The following HMGCLL1 variants were observed in gnomAD, a reference collection of about 807,000 sequenced individuals.
HMGCLL1 encodes the protein 3-hydroxy-3-methylglutaryl-CoA lyase like 1.
In HMGCLL1, 36 loss-of-function variants were observed where a neutral mutation model predicts 39.1. The ratio of observed to expected loss-of-function variants is 0.92; its 90% CI spans 0.71 to 1.22. The LOEUF is 1.22. Among genes scored for constraint, HMGCLL1 ranks in the 50% most tolerant of loss-of-function variants. HMGCLL1 has a pLI of 0.00. For missense variants in HMGCLL1, 451 were observed against 416.5 expected (o/e 1.08, Z -0.72); for synonymous variants, 149 against 144.0 (o/e 1.03, Z -0.25).
the HMGCLL1 span, among the ~76,000 whole-genome samples, chr6:55,636,497 AG>A: frequency 6.6e-6 from 1 of 152,200 alleles, no homozygotes; most frequent in Admixed American, 6.6e-5. Flanking sequence ...CCAGTGTTAC[AG>A]CTGGACTCAC....
chr6:55,473,253 G>A (rs1289021013), intron 7 of HMGCLL1, among the ~76,000 whole-genome samples: 1 of 151,258 alleles, frequency 6.6e-6, no homozygotes, highest in Non-Finnish European at 1.5e-5. Context: ...ATTGTAGTTG[G>A]ATTATAGGTG....
chr6:55,455,946 A>G (rs938705205), intron 7 of HMGCLL1, among the ~76,000 whole-genome samples: 4 of 152,190 alleles, frequency 2.6e-5, no homozygotes, highest in African/African-American at 9.7e-5. Flanking sequence ...AAACATACCC[A>G]AATAAAATTA....
At chr6:55,534,558 G>T (rs1051411134) in intron 3 of HMGCLL1, among the ~76,000 whole-genome samples, 8 of 152,164 alleles carry the variant, frequency 5.3e-5, no homozygotes, top group African/African-American at 1.9e-4. Flanking sequence ...ACTAGCCCCT[G>T]CAGGAGACCA....
chr6:55,668,625 T>C, the HMGCLL1 span, among the ~76,000 whole-genome samples: 2 of 151,788 alleles, frequency 1.3e-5, no homozygotes, highest in Admixed American at 6.6e-5. Context: ...GTGGTGAGTT[T>C]ACATTTTTTT....
the HMGCLL1 span, among the ~76,000 whole-genome samples, chr6:55,615,670 A>G: frequency 1.3e-5 from 2 of 152,294 alleles, no homozygotes; most frequent in Admixed American, 1.3e-4. Flanking sequence ...TCTGAATAAT[A>G]GTATCTGGTA....
At chr6:55,449,402 G>A (rs566566686) in intron 7 of HMGCLL1, among the ~76,000 whole-genome samples, 1 of 152,340 alleles carries the variant, frequency 6.6e-6, no homozygotes, top group East Asian at 1.9e-4. Context: ...CCACAAGGTG[G>A]AAGCAGCCTG....
the HMGCLL1 span, among the ~76,000 whole-genome samples, chr6:55,608,758 A>C: frequency 6.6e-6 from 1 of 152,264 alleles, no homozygotes; most frequent in Non-Finnish European, 1.5e-5. Flanking sequence ...GCATTTAAGC[A>C]CATTGAAAAG....
Position 55,476,309 on chromosome 6 carries a change from C to A in HMGCLL1, c.795+19110G>T, listed in dbSNP as rs1217523112. ...GTCTGTTGTTAAATCTATGCCTTAC[C>A]ATATTTTAATAATATTGCAATTGGA... is the stretch of plus-strand genomic sequence containing the variant. On this transcript the variant is annotated intron_variant, in intron 7 of 8. Coordinates refer to ENST00000274901, the MANE Select transcript of HMGCLL1 (RefSeq NM_001042406.2). 2.6e-5 allele frequency among the ~76,000 whole-genome samples: 4 copies of A among 151,470 alleles called. No individual in the cohort carries two copies. The South Asian group carries it at 6.2e-4, about 24-fold the overall frequency.
intron 7 of HMGCLL1, among the ~76,000 whole-genome samples, chr6:55,493,796 G>A (rs1225399673): frequency 2.0e-5 from 3 of 151,218 alleles, no homozygotes; most frequent in Admixed American, 6.6e-5. Context: ...GCAGTGGTAC[G>A]ATCTCGGCTC....
chr6:55,570,194 C>A (rs1420295892), intron 1 of HMGCLL1, among the ~76,000 whole-genome samples: 1 of 152,212 alleles, frequency 6.6e-6, no homozygotes, highest in African/African-American at 2.4e-5. Flanking sequence ...ACGTAGTTAT[C>A]TGACTTTCCT....
intron 7 of HMGCLL1, among the ~76,000 whole-genome samples, chr6:55,457,549 T>C (rs1196602593): frequency 1.3e-5 from 2 of 152,188 alleles, no homozygotes; most frequent in Admixed American, 1.3e-4. Context: ...AGAAATTCAT[T>C]GGTTCCCTTA....
In HMGCLL1 at chr6:55,435,195, A is replaced by G. The variant is rs1763322138; in HGVS notation, c.*467T>C. ...AGATTTGGCTTTTGGTCCATAACAT[A>G]ACTGACTTGGCAAATGAGTAGTTGA... is the stretch of plus-strand genomic sequence containing the variant. On this transcript the variant is annotated 3_prime_UTR_variant, in exon 9 of 9. Transcript: ENST00000274901. The G allele has an allele frequency of 6.5e-6, 1 of 152,682 alleles. No homozygotes were observed. Among genetic ancestry groups the G allele is most frequent in the African/African-American group, 2.4e-5 (1 of 41,460 alleles). The allele number at this position is 152,682 out of a possible 1,614,324, so 9.5% of individuals were successfully genotyped here.
At chr6:55,507,268 A>C (rs929825534) in intron 5 of HMGCLL1, among the ~76,000 whole-genome samples, 1 of 151,712 alleles carries the variant, frequency 6.6e-6, no homozygotes, top group African/African-American at 2.4e-5. Context: ...GGATAAAAAG[A>C]GTATACATAG....
At chr6:55,458,903 A>G (rs1372884446) in intron 7 of HMGCLL1, among the ~76,000 whole-genome samples, 1 of 152,200 alleles carries the variant, frequency 6.6e-6, no homozygotes, top group Admixed American at 6.5e-5. Context: ...ATACGAAGCC[A>G]TTAACAAATT....
At chr6:55,496,271 TA>T (rs1454278344) in intron 6 of HMGCLL1, among the ~76,000 whole-genome samples, 1 of 152,174 alleles carries the variant, frequency 6.6e-6, no homozygotes, top group Non-Finnish European at 1.5e-5. Context: ...AATACTAATC[TA>T]TTTTTCTCAT....
the HMGCLL1 span, among the ~76,000 whole-genome samples, chr6:55,640,832 T>C: frequency 4.6e-5 from 7 of 152,016 alleles, no homozygotes; most frequent in Admixed American, 4.6e-4. Flanking sequence ...TTTATCTTTC[T>C]GTTGTTTGAA....
the HMGCLL1 span, among the ~76,000 whole-genome samples, chr6:55,654,684 T>C: frequency 2.0e-5 from 3 of 151,922 alleles, no homozygotes; most frequent in Non-Finnish European, 4.4e-5. Flanking sequence ...TCCAAATGGG[T>C]ACCTGGAAAA....
At chr6:55,533,437 A>T (rs1399971928) in intron 3 of HMGCLL1, among the ~76,000 whole-genome samples, 3 of 152,176 alleles carry the variant, frequency 2.0e-5, no homozygotes, top group African/African-American at 7.2e-5. Context: ...GAGCAACAAA[A>T]ATCTAATTGC....
intron 3 of HMGCLL1, among the ~76,000 whole-genome samples, chr6:55,520,963 C>T (rs1001500719): frequency 4.6e-5 from 7 of 151,784 alleles, no homozygotes; most frequent in African/African-American, 1.7e-4. Flanking sequence ...ACAATATTTG[C>T]GTAACATTCT....
Sources: gnomAD v4.1 joint callset for allele counts (sites outside exome capture counted in the v4.1 genomes callset) on GRCh38, gnomAD v4.1.1 for gene constraint, MANE v1.5 for transcripts, NCBI Gene and HGNC (gene_info 2026-07-23, HGNC 2026-07-21) for gene names.